Variants in FARP1 observed in about 807,000 individuals in gnomAD.
The protein encoded by FARP1 is FERM, ARHGEF and pleckstrin domain-containing protein 1.
A neutral mutation model predicts 128.8 loss-of-function variants in FARP1; 52 were observed. That is an observed-to-expected ratio of 0.40 (90% CI 0.32 to 0.51). The LOEUF (loss-of-function observed/expected upper bound fraction) is 0.51. FARP1 is among the 20% of genes least tolerant of loss of function. The pLI, the probability that FARP1 is intolerant of heterozygous loss-of-function variation, is 0.45. For synonymous variants in FARP1, 580 were observed against 551.8 expected (o/e 1.05, Z -0.72); for missense variants, 1,333 against 1,367.9 (o/e 0.97, Z 0.40).
At chr13:98,327,549 C>T (rs1267023974) in intron 2 of FARP1, among the ~76,000 whole-genome samples, 6 of 152,158 alleles carry the variant, frequency 3.9e-5, no homozygotes, top group Non-Finnish European at 8.8e-5. Context: ...CTTCTCTTGG[C>T]CAGATTTTAA....
chr13:98,420,279 G>A (rs1447879785), intron 16 of FARP1, among the ~76,000 whole-genome samples: 2 of 152,194 alleles, frequency 1.3e-5, no homozygotes, highest in Non-Finnish European at 2.9e-5. Context: ...CTGGCAGTTG[G>A]AGACAAAACT....
At chr13:98,297,364 A>G (rs1885742933) in intron 2 of FARP1, among the ~76,000 whole-genome samples, 2 of 152,242 alleles carry the variant, frequency 1.3e-5, no homozygotes, top group African/African-American at 2.4e-5. Context: ...TTGTGAAGCA[A>G]TTAAGCTCCA....
At position 98,440,955 on chromosome 13, in the gene FARP1, C is replaced by T. The variant is rs1459154729; in HGVS notation, c.2796+119C>T. ...GACTGTGGGTGGCCCCACCTACCCG[C>T]GGTGGCTGAGCAGGGAAGGATCAAC... is the stretch of plus-strand genomic sequence containing the variant. On this transcript the variant is annotated intron_variant, in intron 24 of 26. Coordinates refer to ENST00000319562, the MANE Select transcript of FARP1 (RefSeq NM_005766.4). The T allele has an allele frequency of 1.2e-5, 12 of 1,001,164 alleles. No individual in the cohort carries two copies. The East Asian group carries it at 2.4e-4, about 20-fold the overall frequency. The allele number at this position is 1,001,164 out of a possible 1,614,324, so 62.0% of individuals were successfully genotyped here.
chr13:98,159,881 G>T (rs1472500895), intron 1 of FARP1, among the ~76,000 whole-genome samples: 2 of 152,216 alleles, frequency 1.3e-5, no homozygotes, highest in African/African-American at 4.8e-5. Flanking sequence ...CCTCACCCTA[G>T]TGCCAAGTAA....
At chr13:98,386,292 G>C (rs1317599531) in intron 8 of FARP1, among the ~76,000 whole-genome samples, 2 of 148,458 alleles carry the variant, frequency 1.3e-5, no homozygotes, top group East Asian at 4.0e-4. Flanking sequence ...TTAAGATACA[G>C]CAGTTTTATA....
At chr13:98,446,044 G>A (rs1259857314) in intron 24 of FARP1, 54 bp from the exon 25 acceptor site, 2 of 1,226,474 alleles carry the variant, frequency 1.6e-6, no homozygotes, top group Non-Finnish European at 1.2e-6. Context: ...TGCTCTCTGT[G>A]CCCTCCTGGG....
In FARP1 at chr13:98,439,169, C is replaced by A. The variant is rs532699999; in HGVS notation, c.2406C>A (p.His802Gln). ...CGGCCTCCAATCAGTTTAAAGTCCA[C>A]GGGCAGCTCCCGCTCTATGGCATGA... ...GLTASNQFKV[H>Q]GQLPLYGMTI... The change falls in exon 21 of 27, where the codon CAC becomes CAA. Residue 802 changes from histidine to glutamine, a missense_variant. Transcript: ENST00000319562. 50 of 1,613,556 alleles carry A rather than the reference C, an allele frequency of 3.1e-5. No homozygotes were observed. The South Asian group carries it at 5.3e-4, about 17-fold the overall frequency.
At chr13:98,319,016 G>A (rs1422651549) in intron 2 of FARP1, among the ~76,000 whole-genome samples, 1 of 141,480 alleles carries the variant, frequency 7.1e-6, no homozygotes, top group Non-Finnish European at 1.5e-5. Flanking sequence ...AGGCTAGAGT[G>A]CAGTGGCAGG....
intron 12 of FARP1, among the ~76,000 whole-genome samples, chr13:98,393,936 G>A (rs111293321): frequency 0.022 from 3,353 of 152,304 alleles, 152 homozygotes; most frequent in African/African-American, 0.077. Context: ...TGTGTTTTCA[G>A]CTGCCTTCTC....
chr13:98,218,492 T>C (rs575445928), intron 2 of FARP1, among the ~76,000 whole-genome samples: 1 of 152,316 alleles, frequency 6.6e-6, no homozygotes, highest in African/African-American at 2.4e-5. Context: ...AATTAACTTT[T>C]TGTGACTGTA....
chr13:98,227,000 G>T (rs1159282597), intron 2 of FARP1, among the ~76,000 whole-genome samples: 1 of 151,950 alleles, frequency 6.6e-6, no homozygotes, highest in Non-Finnish European at 1.5e-5. Context: ...GAGTGCAGTG[G>T]CACGATCTCG....
At chr13:98,240,915 T>G (rs1882732001) in intron 2 of FARP1, among the ~76,000 whole-genome samples, 1 of 152,226 alleles carries the variant, frequency 6.6e-6, no homozygotes, top group South Asian at 2.1e-4. Flanking sequence ...AGCTTTGCCC[T>G]GGACTTCCTA....
intron 16 of FARP1, among the ~76,000 whole-genome samples, chr13:98,422,003 C>G (rs1355401084): frequency 1.4e-4 from 22 of 152,124 alleles, no homozygotes; most frequent in Admixed American, 1.4e-3. Flanking sequence ...AATGCATTAC[C>G]TGGGTCAGCC....
intron 2 of FARP1, among the ~76,000 whole-genome samples, chr13:98,287,235 TTTTTTTTTTTTTTG>T (rs1594361140): frequency 7.5e-5 from 4 of 53,660 alleles, no homozygotes; most frequent in Admixed American, 2.2e-4. Flanking sequence ...TTTTTTTTTT[TTTTTTTTTTTTTTG>T]AGATGGAGTC....
At chr13:98,412,878 A>G (rs542904650) in intron 16 of FARP1, among the ~76,000 whole-genome samples, 21 of 152,358 alleles carry the variant, frequency 1.4e-4, no homozygotes, top group East Asian at 3.9e-4. Flanking sequence ...CCAGGAGAAA[A>G]TAGCAAAAAG....
At chr13:98,418,123 A>C (rs6491423) in intron 16 of FARP1, among the ~76,000 whole-genome samples, 146,683 of 152,324 alleles carry the variant, frequency 0.96, 70,855 homozygotes, top group East Asian at 1. Flanking sequence ...GATCATAGAT[A>C]ACTTCAGCCT....
At chr13:98,396,439 TTGAGTGAGGAACAGGAGGAGGA>T (rs6145192) in intron 13 of FARP1, 350,248 of 398,276 alleles carry the variant, frequency 0.88, 154,516 homozygotes, top group East Asian at 1. Flanking sequence ...TGGCCTGCGT[TTGAGTGAGGAACAGGAGGAGGA>T]TGAGTGAGGA....
chr13:98,447,607 C>G (rs999256764), intron 26 of FARP1: 3 of 152,576 alleles, frequency 2.0e-5, no homozygotes, highest in African/African-American at 7.2e-5. Flanking sequence ...GTTGGGACAT[C>G]TAAAAATGTC....
intron 2 of FARP1, among the ~76,000 whole-genome samples, chr13:98,341,461 G>A (rs762774522): frequency 2.6e-5 from 4 of 151,984 alleles, no homozygotes; most frequent in Non-Finnish European, 2.9e-5. Flanking sequence ...GTGAAACCCC[G>A]TCTCTACTAA....
Sources: gnomAD v4.1 joint callset for allele counts (sites outside exome capture counted in the v4.1 genomes callset) on GRCh38, gnomAD v4.1.1 for gene constraint, MANE v1.5 for transcripts, NCBI Gene and HGNC (gene_info 2026-07-23, HGNC 2026-07-21) for gene names.